Variants in SLC45A4 observed in about 807,000 individuals in gnomAD.
The protein encoded by SLC45A4 is polyamine-transporter SLC45A4.
In SLC45A4, 32 loss-of-function variants were observed where a neutral mutation model predicts 63.7. The ratio of observed to expected loss-of-function variants is 0.50; its 90% CI spans 0.38 to 0.67. The LOEUF is 0.67. Ranked by LOEUF, SLC45A4 falls within the 30% of genes least tolerant of loss-of-function variation. The probability of loss-of-function intolerance (pLI) is 0.00; values close to 1 mark genes in which losing one functional copy is unlikely to be tolerated. For synonymous variants in SLC45A4, 535 were observed against 510.0 expected (o/e 1.05, Z -0.66); for missense variants, 1,027 against 1,157.7 (o/e 0.89, Z 1.64).
intron 7 of SLC45A4, 62 bp from the exon 8 acceptor site, chr8:141,212,618 A>G: frequency 6.6e-7 from 1 of 1,508,804 alleles, no homozygotes; most frequent in Non-Finnish European, 8.8e-7. Context: ...CCCGTGCTTC[A>G]CAACTGTGAG....
At chr8:141,302,613 T>C (rs894543642) in intron 1 of SLC45A4, among the ~76,000 whole-genome samples, 1 of 152,236 alleles carries the variant, frequency 6.6e-6, no homozygotes, top group Non-Finnish European at 1.5e-5. Flanking sequence ...ATTACAGGCA[T>C]GAGCCACCGC....
At chr8:141,237,512 C>G (rs530835042) in intron 2 of SLC45A4, among the ~76,000 whole-genome samples, 3 of 152,200 alleles carry the variant, frequency 2.0e-5, no homozygotes, top group Non-Finnish European at 2.9e-5. Flanking sequence ...CTGCCCTGTT[C>G]CCCTGTACTC....
At chr8:141,232,809 C>T (rs865894212) in intron 2 of SLC45A4, among the ~76,000 whole-genome samples, 2 of 152,228 alleles carry the variant, frequency 1.3e-5, no homozygotes, top group Admixed American at 6.5e-5. Flanking sequence ...GGTGAGCGCT[C>T]GCGAGCTGCA....
intron 2 of SLC45A4, among the ~76,000 whole-genome samples, chr8:141,234,954 G>A (rs1367879572): frequency 6.6e-6 from 1 of 152,206 alleles, no homozygotes; most frequent in South Asian, 2.1e-4. Flanking sequence ...GTGTCCCCGC[G>A]CTGGTCTGCC....
Position 141,245,757 on chromosome 8 carries a change from G to A in SLC45A4, c.241+8232C>T, listed in dbSNP as rs566343343. ...GCAGGGGGAAGGGAGGGGCCTCCCA[G>A]GGGCAGCAGCACTGTCTGCCAGCAG... On this transcript the variant is annotated intron_variant, in intron 2 of 8. Transcript: ENST00000517878. Among the ~76,000 whole-genome samples the A allele has an allele frequency of 5.5e-4, 84 of 152,320 alleles. 1 individual carries two copies. Among genetic ancestry groups the A allele is most frequent in the Admixed American group, 5.1e-3 (78 of 15,306 alleles).
chr8:141,284,933 C>T (rs1164487748), intron 1 of SLC45A4, among the ~76,000 whole-genome samples: 1 of 152,186 alleles, frequency 6.6e-6, no homozygotes, highest in Non-Finnish European at 1.5e-5. Flanking sequence ...AAGCGTCCAC[C>T]GTGGCATGCA....
intron 1 of SLC45A4, among the ~76,000 whole-genome samples, chr8:141,306,931 A>C (rs968493329): frequency 6.6e-6 from 1 of 152,202 alleles, no homozygotes; most frequent in African/African-American, 2.4e-5. Flanking sequence ...ACAGCCCCCA[A>C]AACAGTAATA....
At chr8:141,296,340 A>G (rs1056285555) in intron 1 of SLC45A4, among the ~76,000 whole-genome samples, 1 of 152,002 alleles carries the variant, frequency 6.6e-6, no homozygotes, top group East Asian at 1.9e-4. Flanking sequence ...GTTTCAAAAA[A>G]CAGTAATAAA....
intron 2 of SLC45A4, among the ~76,000 whole-genome samples, chr8:141,233,921 T>C (rs115104977): frequency 0.021 from 3,232 of 152,242 alleles, 127 homozygotes; most frequent in African/African-American, 0.074. Context: ...TAGGGCCCCA[T>C]GGTTGAGTGG....
intron 3 of SLC45A4, 64 bp downstream of exon 3, chr8:141,221,513 G>A: frequency 1.3e-6 from 2 of 1,534,262 alleles, no homozygotes; most frequent in Non-Finnish European, 1.8e-6. Flanking sequence ...TTAATGAGAG[G>A]AGCTACCCAG....
rs111576249 is a variant in SLC45A4 at position 141,285,660 on chromosome 8, G to A, written c.-401+22436C>T. On this transcript the variant is annotated intron_variant, in intron 1 of 8. Transcript: ENST00000517878. ...GACGCGCACCCCAAGTTAGGGAAGC[G>A]CCGCCCTGGGATAACGAGGACCAAC... Among the ~76,000 whole-genome samples, 18 of 152,312 alleles carry A rather than the reference G, an allele frequency of 1.2e-4. 1 individual carries two copies. The highest frequency in any genetic ancestry group is 3.1e-4 in the African/African-American group (13 of 41,568).
At chr8:141,298,820 C>T (rs548638475) in intron 1 of SLC45A4, among the ~76,000 whole-genome samples, 2 of 152,080 alleles carry the variant, frequency 1.3e-5, no homozygotes, top group East Asian at 1.9e-4. Context: ...GGGGAGTGAC[C>T]GCAAAGGTGC....
chr8:141,208,457 C>G lies in SLC45A4; in HGVS notation c.*3115G>C, dbSNP rs544561650. 1 of 152,240 alleles carries G rather than the reference C, an allele frequency of 6.6e-6. No homozygotes were observed. The highest frequency in any genetic ancestry group is 1.5e-5 in the Non-Finnish European group (1 of 68,124). 9.4% of individuals were successfully genotyped at this position (152,240 alleles called of 1,614,324 possible). On this transcript the variant is annotated 3_prime_UTR_variant, in exon 9 of 9. Transcript: ENST00000517878. Reference sequence around the variant, plus strand: ...ACACCTGGGGCATTCAAGAAACACTCCTGATGGCTGTTGGAAGCCACTAAC... The same window carrying G: ...ACACCTGGGGCATTCAAGAAACACTGCTGATGGCTGTTGGAAGCCACTAAC...
intron 1 of SLC45A4, among the ~76,000 whole-genome samples, chr8:141,269,507 CGT>C (rs968067116): frequency 2.1e-5 from 3 of 145,216 alleles, no homozygotes; most frequent in Non-Finnish European, 4.5e-5. Flanking sequence ...GCCTGTGTCG[CGT>C]GTGTGTATCG....
intron 1 of SLC45A4, among the ~76,000 whole-genome samples, chr8:141,293,122 G>GT (rs1280363384): frequency 1.3e-5 from 2 of 152,184 alleles, no homozygotes; most frequent in Non-Finnish European, 2.9e-5. Flanking sequence ...GCAGTTCACT[G>GT]TGACTACAGC....
chr8:141,246,408 G>A (rs537722625), intron 2 of SLC45A4, among the ~76,000 whole-genome samples: 19 of 58,718 alleles, frequency 3.2e-4, no homozygotes, highest in Middle Eastern at 8.5e-3. Flanking sequence ...TGAGAGCCTC[G>A]GCCCTGGGGG....
rs1387967846 is a variant in SLC45A4 at position 141,207,324 on chromosome 8, A to G, written c.*4248T>C. 6.6e-6 allele frequency: 1 copy of G among 152,336 alleles called. No individual in the cohort carries two copies. The highest frequency in any genetic ancestry group is 2.4e-5 in the African/African-American group (1 of 41,432). The allele number at this position is 152,336 out of a possible 1,614,324, so 9.4% of individuals were successfully genotyped here. On this transcript the variant is annotated 3_prime_UTR_variant, in exon 9 of 9. Coordinates refer to ENST00000517878, the MANE Select transcript of SLC45A4 (RefSeq NM_001286646.2). ...ACAGCAGCGCATGCCACAAACATTC[A>G]CCTGGCAAAGAAACAGAGCAGAACC...
intron 2 of SLC45A4, chr8:141,228,590 C>T (rs902320798): frequency 8.6e-7 from 1 of 1,161,126 alleles, no homozygotes; most frequent in Non-Finnish European, 1.1e-6. Flanking sequence ...GCCACCCATT[C>T]TCGGCTCTTT....
In SLC45A4 at chr8:141,229,792, G is replaced by A. The variant is rs899108692; in HGVS notation, c.242-8027C>T. On this transcript the variant is annotated intron_variant, in intron 2 of 8. Coordinates refer to ENST00000517878, the MANE Select transcript of SLC45A4 (RefSeq NM_001286646.2). The surrounding 1 kb of genome is among the most constrained non-coding windows in gnomAD (Gnocchi z 5.0). Reference sequence around the variant, plus strand: ...CAAGGCCTCCAAGCAGAAATGCTCGGCTCTGAGCTTGCAGCCCACCCCACT... The same window carrying A: ...CAAGGCCTCCAAGCAGAAATGCTCGACTCTGAGCTTGCAGCCCACCCCACT... 3.3e-5 allele frequency among the ~76,000 whole-genome samples: 5 copies of A among 152,276 alleles called. No homozygotes were observed. The East Asian group carries it at 7.8e-4, about 24-fold the overall frequency.
Sources: gnomAD v4.1 joint callset for allele counts (sites outside exome capture counted in the v4.1 genomes callset) on GRCh38, gnomAD v4.1.1 for gene constraint, Gnocchi (gnomAD v3.1) non-coding constraint, MANE v1.5 for transcripts, NCBI Gene and HGNC (gene_info 2026-07-23, HGNC 2026-07-21) for gene names.